SLC71A1: variants seen among roughly 807,000 people sequenced by gnomAD.
SLC71A1 encodes the protein hippocampus abundant gene transcript 1.
chr1:100,077,558 C>T, the SLC71A1 span, among the ~76,000 whole-genome samples: 1 of 152,152 alleles, frequency 6.6e-6, no homozygotes, highest in East Asian at 1.9e-4. Context: ...CTAAATCAGT[C>T]CGTTACTAGG....
chr1:100,066,727 C>T, the SLC71A1 span, among the ~76,000 whole-genome samples: 23 of 152,064 alleles, frequency 1.5e-4, no homozygotes, highest in Admixed American at 7.9e-4. Context: ...TGGTGGCTCA[C>T]GCCTGTAATC....
chr1:100,065,493 C>G, the SLC71A1 span, among the ~76,000 whole-genome samples: 4 of 145,892 alleles, frequency 2.7e-5, no homozygotes, highest in Middle Eastern at 3.6e-3. Flanking sequence ...TCCCCCTCCC[C>G]TCCCCTCCCC....
chr1:100,078,108 A>G, the SLC71A1 span, among the ~76,000 whole-genome samples: 5 of 152,204 alleles, frequency 3.3e-5, no homozygotes, highest in Non-Finnish European at 5.9e-5. Flanking sequence ...TGTTGGCTTC[A>G]TGTGTTTGGA....
chr1:100,045,077 T>TA, the SLC71A1 span, among the ~76,000 whole-genome samples: 1 of 152,104 alleles, frequency 6.6e-6, no homozygotes, highest in Admixed American at 6.5e-5. Flanking sequence ...ATTGAATCTA[T>TA]AGATTGTTTT....
the SLC71A1 span, among the ~76,000 whole-genome samples, chr1:100,040,619 C>G: frequency 6.6e-6 from 1 of 152,048 alleles, no homozygotes; most frequent in African/African-American, 2.4e-5. Context: ...TGCCACCATG[C>G]CTGGCTAATT....
chr1:100,068,373 C>A, the SLC71A1 span: 1 of 936,916 alleles, frequency 1.1e-6, no homozygotes, highest in Admixed American at 2.2e-5. Context: ...AACTAGTTGT[C>A]CATGAGTACA....
At chr1:100,078,514 A>C in the SLC71A1 span, 1 of 1,613,844 alleles carries the variant, frequency 6.2e-7, no homozygotes, top group Non-Finnish European at 8.5e-7. Context: ...CTGTCAGTGC[A>C]CTTGTTTCAC....
At chr1:100,062,575 AATAG>A in the SLC71A1 span, among the ~76,000 whole-genome samples, 2 of 152,228 alleles carry the variant, frequency 1.3e-5, no homozygotes, top group South Asian at 4.1e-4. Flanking sequence ...TAGGCACAAT[AATAG>A]ATCACTACTG....
chr1:100,064,535 A>C, the SLC71A1 span, among the ~76,000 whole-genome samples: 1 of 152,124 alleles, frequency 6.6e-6, no homozygotes, highest in Admixed American at 6.5e-5. Context: ...ATCTGTCCCC[A>C]TGCTCCACCT....
chr1:100,063,390 CCAG>C, the SLC71A1 span, among the ~76,000 whole-genome samples: 1 of 152,006 alleles, frequency 6.6e-6, no homozygotes, highest in African/African-American at 2.4e-5. Context: ...TGTAATACCA[CCAG>C]TTTGGGAGGC....
chr1:100,067,850 G>A, the SLC71A1 span: 15 of 747,230 alleles, frequency 2.0e-5, no homozygotes, highest in African/African-American at 2.3e-4. Context: ...AAATGGCACA[G>A]GTAGGAAGAG....
chr1:100,077,105 G>A, the SLC71A1 span: 1 of 802,714 alleles, frequency 1.2e-6, no homozygotes, highest in Non-Finnish European at 2.0e-6. Flanking sequence ...TTATAGTGTA[G>A]ATTGAAAGAA....
chr1:100,060,038 A>G, the SLC71A1 span: 1 of 1,551,034 alleles, frequency 6.4e-7, no homozygotes, highest in Non-Finnish European at 8.7e-7. Flanking sequence ...GCAACTAAAT[A>G]TCACTTTCAG....
the SLC71A1 span, chr1:100,038,313 C>T: frequency 6.4e-7 from 1 of 1,554,624 alleles, no homozygotes; most frequent in South Asian, 1.2e-5. Context: ...AGGACGGAGG[C>T]ACGGTGAGCT....
the SLC71A1 span, chr1:100,068,379 G>A: frequency 1.0e-6 from 1 of 959,624 alleles, no homozygotes; most frequent in South Asian, 1.5e-5. Flanking sequence ...TTGTCCATGA[G>A]TACACTGCCA....
At chr1:100,052,624 G>A in the SLC71A1 span, among the ~76,000 whole-genome samples, 1 of 151,572 alleles carries the variant, frequency 6.6e-6, no homozygotes, top group South Asian at 2.1e-4. Context: ...TAGAGATGGG[G>A]TTTCACCATG....
At chr1:100,076,072 A>G in the SLC71A1 span, among the ~76,000 whole-genome samples, 1 of 152,298 alleles carries the variant, frequency 6.6e-6, no homozygotes, top group South Asian at 2.1e-4. Context: ...ATAATTCTAC[A>G]TGGAACTCAG....
At chr1:100,056,979 A>T in the SLC71A1 span, among the ~76,000 whole-genome samples, 1 of 152,198 alleles carries the variant, frequency 6.6e-6, no homozygotes, top group African/African-American at 2.4e-5. Context: ...AGAAATGTCT[A>T]TTCAGATCTT....
the SLC71A1 span, among the ~76,000 whole-genome samples, chr1:100,044,621 T>C: frequency 0.013 from 2,034 of 150,758 alleles, 18 homozygotes; most frequent in Middle Eastern, 0.059. Context: ...GTTCAAGCCA[T>C]TCTCCTGCCT....
Sources: allele counts gnomAD v4.1 joint callset (sites outside exome capture counted in the v4.1 genomes callset), GRCh38; gene constraint gnomAD v4.1.1; transcripts MANE v1.5; gene names NCBI Gene and HGNC (gene_info 2026-07-23, HGNC 2026-07-21).